The following GALNTL6 variants were observed in gnomAD, a reference collection of about 807,000 sequenced individuals.
GALNTL6 encodes polypeptide N-acetylgalactosaminyltransferase-like 6.
GALNTL6 carries 46 observed loss-of-function variants against 73.7 expected under a neutral mutation model. That is an observed-to-expected ratio of 0.62 (90% CI 0.49 to 0.80). The LOEUF (loss-of-function observed/expected upper bound fraction) is 0.80, where lower values mean the gene tolerates loss of function less well. Among genes scored for constraint, GALNTL6 ranks in the 30% least tolerant of loss-of-function variants. The pLI is 0.00. For missense variants in GALNTL6, 604 were observed against 755.0 expected (o/e 0.80, Z 2.34); for synonymous variants, 259 against 263.7 (o/e 0.98, Z 0.17).
At chr4:172,647,616 A>G (rs978409213) in intron 5 of GALNTL6, among the ~76,000 whole-genome samples, 3 of 152,092 alleles carry the variant, frequency 2.0e-5, no homozygotes, top group Non-Finnish European at 4.4e-5. Context: ...TGATCTGCCC[A>G]TAGCTTCATA....
At chr4:172,102,230 C>A (rs1241625062) in intron 2 of GALNTL6, among the ~76,000 whole-genome samples, 1 of 152,108 alleles carries the variant, frequency 6.6e-6, no homozygotes, top group South Asian at 2.1e-4. Context: ...AAATAGAAAG[C>A]TAGGATATGT....
At chr4:171,863,365 T>C (rs981825536) in intron 2 of GALNTL6, among the ~76,000 whole-genome samples, 7 of 152,220 alleles carry the variant, frequency 4.6e-5, no homozygotes, top group South Asian at 2.1e-4. Context: ...TTATTTCATA[T>C]GGAGAGACTA....
chr4:172,497,991 C>CTTTTTTTTTTTTTTTTTTTT (rs10669113), intron 5 of GALNTL6, among the ~76,000 whole-genome samples: 2 of 104,586 alleles, frequency 1.9e-5, no homozygotes, highest in Non-Finnish European at 3.7e-5. Flanking sequence ...TGTCACATTT[C>CTTTTTTTTTTTTTTTTTTTT]TTTTTTTTTT....
At position 171,821,463 on chromosome 4, in the gene GALNTL6, T is replaced by C. The variant is rs192462680; in HGVS notation, c.138+6745T>C. 8.4e-4 allele frequency among the ~76,000 whole-genome samples: 128 copies of C among 152,150 alleles called. 1 individual carries two copies. The highest frequency in any genetic ancestry group is 1.2e-3 in the Admixed American group (19 of 15,272). ...TTAGGTCAGAGTGTAGTCTCTAGAA[T>C]CAAATTATTTAGGCTTAAAAATTCT... On this transcript the variant is annotated intron_variant, in intron 2 of 12. Transcript: ENST00000506823.
At chr4:171,939,477 T>G (rs1738456851) in intron 2 of GALNTL6, among the ~76,000 whole-genome samples, 1 of 151,930 alleles carries the variant, frequency 6.6e-6, no homozygotes, top group Admixed American at 6.6e-5. Flanking sequence ...ATTATATTTA[T>G]AAAATTGTTA....
At chr4:171,814,313 T>G in intron 1 of GALNTL6, 99 bp from the exon 2 acceptor site, 1 of 529,658 alleles carries the variant, frequency 1.9e-6, no homozygotes, top group Non-Finnish European at 3.3e-6. Flanking sequence ...GTCAATGGGC[T>G]TAATGATTTC....
intron 5 of GALNTL6, among the ~76,000 whole-genome samples, chr4:172,463,576 C>T (rs576597263): frequency 3.3e-5 from 5 of 152,016 alleles, no homozygotes; most frequent in African/African-American, 4.8e-5. Context: ...TACAGGGATG[C>T]GACAGAAAGA....
chr4:172,043,192 A>C (rs1434806970), intron 2 of GALNTL6, among the ~76,000 whole-genome samples: 1 of 152,038 alleles, frequency 6.6e-6, no homozygotes, highest in African/African-American at 2.4e-5. Context: ...TCCTCAGGAG[A>C]ATGCTCTCTG....
At chr4:172,674,856 T>C (rs964993549) in intron 5 of GALNTL6, among the ~76,000 whole-genome samples, 1 of 152,228 alleles carries the variant, frequency 6.6e-6, no homozygotes, top group Non-Finnish European at 1.5e-5. Context: ...CTGTCTATCT[T>C]GTCTGTCATC....
intron 2 of GALNTL6, among the ~76,000 whole-genome samples, chr4:172,041,739 G>A (rs1207133733): frequency 6.6e-6 from 1 of 152,030 alleles, no homozygotes; most frequent in Non-Finnish European, 1.5e-5. Flanking sequence ...TAATTATAAA[G>A]TGTCACAGGT....
chr4:172,487,839 G>A (rs574537587), intron 5 of GALNTL6, among the ~76,000 whole-genome samples: 2 of 152,202 alleles, frequency 1.3e-5, no homozygotes, highest in Admixed American at 1.3e-4. Flanking sequence ...TACCTGGAAG[G>A]TGTTCATGTC....
chr4:172,760,770 CTA>C (rs1738037356), intron 5 of GALNTL6, among the ~76,000 whole-genome samples: 1 of 152,172 alleles, frequency 6.6e-6, no homozygotes, highest in Non-Finnish European at 1.5e-5. Context: ...GCCCCACCGA[CTA>C]CCCCCCACAA....
At chr4:171,944,789 A>G (rs1303687170) in intron 2 of GALNTL6, among the ~76,000 whole-genome samples, 1 of 151,804 alleles carries the variant, frequency 6.6e-6, no homozygotes, top group Non-Finnish European at 1.5e-5. Context: ...AAAGAAATTT[A>G]TTGTTGCATT....
chr4:172,747,062 A>G (rs1214923014), intron 5 of GALNTL6, among the ~76,000 whole-genome samples: 2 of 152,146 alleles, frequency 1.3e-5, no homozygotes, highest in African/African-American at 4.8e-5. Flanking sequence ...AGAAAAAATA[A>G]GAAAAAAGTC....
In GALNTL6 at chr4:172,021,749, T is replaced by C. The variant is rs149596249; in HGVS notation, c.138+207031T>C. ...TTTCTAGCATAAAAACATATTATGT[T>C]CCAATGAAACATAATAGAGAACACA... On this transcript the variant is annotated intron_variant, in intron 2 of 12. Transcript: ENST00000506823. 4.6e-3 allele frequency among the ~76,000 whole-genome samples: 692 copies of C among 152,020 alleles called. 5 individuals carry two copies. The highest frequency in any genetic ancestry group is 0.016 in the African/African-American group (651 of 41,500).
chr4:172,649,974 T>C lies in GALNTL6; in HGVS notation c.554-159387T>C, dbSNP rs1447303658. 2.0e-5 allele frequency among the ~76,000 whole-genome samples: 3 copies of C among 152,212 alleles called. No individual in the cohort carries two copies. In the East Asian group the frequency reaches 5.8e-4, roughly 29 times the overall value. ...GTAGCCAAGGAGGTCACAGCATTTCTAGAAAATTTGTGTTTTATTAAGCAT... is the reference window on the plus strand; with the variant it reads ...GTAGCCAAGGAGGTCACAGCATTTCCAGAAAATTTGTGTTTTATTAAGCAT... On this transcript the variant is annotated intron_variant, in intron 5 of 12. Transcript: ENST00000506823.
chr4:172,316,279 AT>A (rs1170327864), intron 4 of GALNTL6, among the ~76,000 whole-genome samples: 5 of 152,108 alleles, frequency 3.3e-5, no homozygotes, highest in Admixed American at 6.5e-5. Context: ...TATGAGTTTC[AT>A]TTTTTTGGCC....
At chr4:171,907,390 C>T (rs1737324746) in intron 2 of GALNTL6, among the ~76,000 whole-genome samples, 1 of 152,098 alleles carries the variant, frequency 6.6e-6, no homozygotes, top group South Asian at 2.1e-4. Context: ...AACTCCCATT[C>T]ACAATTGCTT....
At chr4:172,294,331 C>T (rs772720426) in intron 3 of GALNTL6, among the ~76,000 whole-genome samples, 2 of 152,090 alleles carry the variant, frequency 1.3e-5, no homozygotes. Context: ...TAAAATACTT[C>T]ACTCATTATT....
Sources: allele counts gnomAD v4.1 joint callset (sites outside exome capture counted in the v4.1 genomes callset), GRCh38; gene constraint gnomAD v4.1.1; transcripts MANE v1.5; gene names NCBI Gene and HGNC (gene_info 2026-07-23, HGNC 2026-07-21).